CALN1: variants seen among roughly 807,000 people sequenced by gnomAD.
The protein encoded by CALN1 is calcium-binding protein 8.
A neutral mutation model predicts 30.6 loss-of-function variants in CALN1; 17 were observed. That is an observed-to-expected ratio of 0.56 (90% CI 0.38 to 0.83). The LOEUF (loss-of-function observed/expected upper bound fraction) is 0.83, where lower values mean the gene tolerates loss of function less well. CALN1 is among the 40% of genes least tolerant of loss of function. The probability of loss-of-function intolerance (pLI) is 0.00; values close to 1 mark genes in which losing one functional copy is unlikely to be tolerated. For synonymous variants in CALN1, 156 were observed against 131.4 expected, an observed-to-expected ratio of 1.19 and a Z score of -1.28; for missense variants, 291 against 354.9, an observed-to-expected ratio of 0.82 and a Z score of 1.45.
intron 3 of CALN1, among the ~76,000 whole-genome samples, chr7:72,149,475 ATAAAAT>A (rs1234282904): frequency 6.6e-6 from 1 of 152,092 alleles, no homozygotes; most frequent in Non-Finnish European, 1.5e-5. Flanking sequence ...TCCAAAATAA[ATAAAAT>A]TAAAATTAAA....
rs530043376 is a variant in CALN1 at position 72,185,666 on chromosome 7, G to A, written c.245-79372C>T. Among the ~76,000 whole-genome samples, 14 of 152,298 alleles carry A rather than the reference G, an allele frequency of 9.2e-5. 1 individual carries two copies. Among genetic ancestry groups the A allele is most frequent in the African/African-American group, 1.9e-4 (8 of 41,572 alleles). ...TGAATTGTACTCCCATAATTCCCAC[G>A]TGTTGTGGGAGGGACACAGTGGGAG... is the stretch of plus-strand genomic sequence containing the variant. On this transcript the variant is annotated intron_variant, in intron 3 of 6. Transcript: ENST00000395275.
intron 5 of CALN1, among the ~76,000 whole-genome samples, chr7:71,960,404 T>C (rs1797190981): frequency 6.6e-6 from 1 of 152,100 alleles, no homozygotes; most frequent in Admixed American, 6.6e-5. Flanking sequence ...TTAGCTCGCA[T>C]TTGTAAGTGA....
chr7:72,414,419 C>T (rs188504701), upstream of CALN1, among the ~76,000 whole-genome samples: 219 of 152,296 alleles, frequency 1.4e-3, no homozygotes, highest in Non-Finnish European at 2.5e-3. Flanking sequence ...CTCTTGCAGG[C>T]CAGTGCCTTC....
At chr7:72,060,968 T>C (rs1803606519) in intron 4 of CALN1, among the ~76,000 whole-genome samples, 1 of 152,146 alleles carries the variant, frequency 6.6e-6, no homozygotes, top group Non-Finnish European at 1.5e-5. Context: ...AACTCCTCCA[T>C]AGCAACAACT....
intron 3 of CALN1, among the ~76,000 whole-genome samples, chr7:72,256,810 T>C (rs1360773962): frequency 6.6e-6 from 1 of 152,026 alleles, no homozygotes; most frequent in Non-Finnish European, 1.5e-5. Flanking sequence ...TGGGAAAAGA[T>C]AAAAGAAATT....
intron 4 of CALN1, among the ~76,000 whole-genome samples, chr7:72,077,656 T>C (rs1048841230): frequency 6.6e-6 from 1 of 152,142 alleles, no homozygotes; most frequent in Admixed American, 6.5e-5. Flanking sequence ...ACAAAATCTA[T>C]AGGAATGTGT....
At chr7:72,099,230 G>GTCA (rs1806466970) in intron 4 of CALN1, among the ~76,000 whole-genome samples, 1 of 150,548 alleles carries the variant, frequency 6.6e-6, no homozygotes, top group African/African-American at 2.4e-5. Flanking sequence ...AGGAGGCATG[G>GTCA]TCATCCTACA....
intron 2 of CALN1, among the ~76,000 whole-genome samples, chr7:72,336,226 C>T (rs1422989017): frequency 2.0e-5 from 3 of 152,202 alleles, no homozygotes; most frequent in Non-Finnish European, 4.4e-5. Flanking sequence ...ATCGCCATGA[C>T]TCCGGCTTCG....
intron 5 of CALN1, among the ~76,000 whole-genome samples, chr7:71,997,705 C>CA (rs965423875): frequency 3.3e-5 from 5 of 151,666 alleles, no homozygotes; most frequent in Non-Finnish European, 5.9e-5. Flanking sequence ...TACTTATAGG[C>CA]AAAAAAAATT....
At chr7:72,410,696 C>T (rs568360058) in intron 1 of CALN1, among the ~76,000 whole-genome samples, 5 of 152,156 alleles carry the variant, frequency 3.3e-5, no homozygotes, top group Non-Finnish European at 7.3e-5. Flanking sequence ...ACCCTATGAA[C>T]GGCTCACAAT....
At chr7:72,461,247 G>T in the CALN1 span, among the ~76,000 whole-genome samples, 18 of 152,176 alleles carry the variant, frequency 1.2e-4, no homozygotes, top group Non-Finnish European at 2.4e-4. Context: ...GTGGAAAACA[G>T]CATGGAGATT....
chr7:72,107,422 GC>G (rs1404817547), intron 3 of CALN1, among the ~76,000 whole-genome samples: 2 of 152,214 alleles, frequency 1.3e-5, no homozygotes. Context: ...CTCAAAAGAT[GC>G]CTTTAATCAC....
intron 4 of CALN1, among the ~76,000 whole-genome samples, chr7:72,089,716 C>T (rs557605455): frequency 1.3e-5 from 2 of 152,224 alleles, no homozygotes; most frequent in Admixed American, 6.5e-5. Flanking sequence ...ATTTAAAGAA[C>T]ATTTGCACTG....
At chr7:71,804,681 C>T (rs553685520) in intron 6 of CALN1, among the ~76,000 whole-genome samples, 4 of 151,404 alleles carry the variant, frequency 2.6e-5, no homozygotes, top group African/African-American at 9.7e-5. Context: ...GAGCCGGGTG[C>T]GGTGGCACAT....
intron 5 of CALN1, among the ~76,000 whole-genome samples, chr7:71,971,803 T>C (rs1002870086): frequency 1.3e-5 from 2 of 150,772 alleles, no homozygotes; most frequent in African/African-American, 2.4e-5. Flanking sequence ...GAGGCTGAGA[T>C]GGGAGGATCA....
At chr7:72,043,625 G>GC (rs1348099300) in intron 4 of CALN1, among the ~76,000 whole-genome samples, 1 of 151,986 alleles carries the variant, frequency 6.6e-6, no homozygotes, top group Non-Finnish European at 1.5e-5. Context: ...AAAAAACTTG[G>GC]CCAGGCATGA....
chr7:72,209,321 CTTCCCTCTTTCCTTCCCTCT>C (rs1562740104), intron 3 of CALN1, among the ~76,000 whole-genome samples: 1,655 of 33,016 alleles, frequency 0.05, 32 homozygotes, highest in Non-Finnish European at 0.063. Context: ...TCCTTCCCTC[CTTCCCTCTTTCCTTCCCTCT>C]TTCCTTCCCT....
intron 2 of CALN1, among the ~76,000 whole-genome samples, chr7:72,398,049 G>A (rs905364299): frequency 4.6e-5 from 7 of 152,278 alleles, no homozygotes; most frequent in Non-Finnish European, 1.0e-4. Flanking sequence ...AGGACCATTG[G>A]CCAGAGAAGG....
chr7:71,868,294 A>C (rs1354216158), intron 5 of CALN1, among the ~76,000 whole-genome samples: 1 of 152,124 alleles, frequency 6.6e-6, no homozygotes, highest in Non-Finnish European at 1.5e-5. Context: ...GAAAGCTTCC[A>C]ATCATGGCAG....
Sources: allele counts gnomAD v4.1 joint callset (sites outside exome capture counted in the v4.1 genomes callset), GRCh38; gene constraint gnomAD v4.1.1; transcripts MANE v1.5; gene names NCBI Gene and HGNC (gene_info 2026-07-23, HGNC 2026-07-21).